Variants in PCDH15 observed in about 807,000 individuals in gnomAD.
PCDH15 encodes the protein protocadherin-15.
PCDH15 carries 129 observed loss-of-function variants against 178.5 expected under a neutral mutation model. That is an observed-to-expected ratio of 0.72 (90% CI 0.63 to 0.84). The LOEUF is 0.84. PCDH15 is among the 40% of genes least tolerant of loss of function. The pLI, the probability that PCDH15 is intolerant of heterozygous loss-of-function variation, is 0.00. For synonymous variants in PCDH15, 800 were observed against 732.0 expected (o/e 1.09, Z -1.50); for missense variants, 2,230 against 2,099.9 (o/e 1.06, Z -1.21).
intron 2 of PCDH15, among the ~76,000 whole-genome samples, chr10:55,014,673 A>G (rs1010820031): frequency 4.6e-5 from 7 of 152,216 alleles, no homozygotes; most frequent in Non-Finnish European, 1.0e-4. Flanking sequence ...ATTGAATAAC[A>G]AAGAAATCAG....
At chr10:55,167,178 A>G (rs1221954690) in intron 1 of PCDH15, among the ~76,000 whole-genome samples, 1 of 152,140 alleles carries the variant, frequency 6.6e-6, no homozygotes, top group African/African-American at 2.4e-5. Flanking sequence ...CAGTGGCACA[A>G]TCACAGCTCA....
chr10:54,101,132 C>T (rs1203032356), intron 15 of PCDH15, among the ~76,000 whole-genome samples: 1 of 152,114 alleles, frequency 6.6e-6, no homozygotes, highest in South Asian at 2.1e-4. Flanking sequence ...GCAAATAAGT[C>T]TCATGAAATC....
intron 2 of PCDH15, among the ~76,000 whole-genome samples, chr10:55,137,773 G>T (rs773473534): frequency 6.6e-6 from 1 of 152,090 alleles, no homozygotes; most frequent in Non-Finnish European, 1.5e-5. Flanking sequence ...GCTTACAGAA[G>T]AGTGAACAGG....
chr10:55,519,778 C>T (rs1285401391), intron 2 of PCDH15, among the ~76,000 whole-genome samples: 3 of 150,978 alleles, frequency 2.0e-5, no homozygotes, highest in Non-Finnish European at 4.4e-5. Flanking sequence ...ACATTAAAAG[C>T]ATTGTTTCTC....
At chr10:55,622,621 A>C (rs973308073) in intron 2 of PCDH15, among the ~76,000 whole-genome samples, 3 of 152,178 alleles carry the variant, frequency 2.0e-5, no homozygotes, top group Non-Finnish European at 2.9e-5. Flanking sequence ...TGGCTGATCA[A>C]CCATAAGAAT....
At chr10:53,895,239 C>T (rs1295760357) in intron 26 of PCDH15, among the ~76,000 whole-genome samples, 1 of 152,070 alleles carries the variant, frequency 6.6e-6, no homozygotes, top group Admixed American at 6.6e-5. Context: ...ATACCTTTTG[C>T]TACTAAGGAA....
At chr10:55,230,217 T>C (rs1448445144) in intron 1 of PCDH15, among the ~76,000 whole-genome samples, 1 of 152,072 alleles carries the variant, frequency 6.6e-6, no homozygotes, top group East Asian at 1.9e-4. Flanking sequence ...TTATTTGGAA[T>C]AGAGTTATTA....
At chr10:54,782,990 C>T (rs1406164287) in intron 1 of PCDH15, among the ~76,000 whole-genome samples, 1 of 152,002 alleles carries the variant, frequency 6.6e-6, no homozygotes, top group Non-Finnish European at 1.5e-5. Context: ...AAGTCTTTTC[C>T]TATAAAAGCT....
intron 3 of PCDH15, among the ~76,000 whole-genome samples, chr10:54,427,909 G>C (rs542981285): frequency 6.6e-6 from 1 of 152,114 alleles, no homozygotes; most frequent in Non-Finnish European, 1.5e-5. Context: ...AGTATGAGTA[G>C]CTACAATTCC....
chr10:55,451,711 C>G (rs1045254626), intron 2 of PCDH15, among the ~76,000 whole-genome samples: 2 of 152,100 alleles, frequency 1.3e-5, no homozygotes, highest in Admixed American at 6.5e-5. Context: ...ATGATTTTCA[C>G]GGAGAAAACC....
chr10:53,961,934 T>C (rs775284993), intron 21 of PCDH15, 42 bp from the exon 22 acceptor site: 1 of 1,465,080 alleles, frequency 6.8e-7, no homozygotes, highest in East Asian at 2.3e-5. Flanking sequence ...GTTACCAAGT[T>C]AAAACACAGT....
chr10:54,984,739 G>A (rs550529397), intron 2 of PCDH15, among the ~76,000 whole-genome samples: 57 of 152,220 alleles, frequency 3.7e-4, no homozygotes, highest in Non-Finnish European at 7.1e-4. Context: ...TCAAGAGGCC[G>A]AGGCAGAAGG....
intron 16 of PCDH15, among the ~76,000 whole-genome samples, chr10:54,085,505 T>A (rs1261431393): frequency 6.6e-6 from 1 of 152,148 alleles, no homozygotes. Flanking sequence ...TTTAAATGTG[T>A]ACTTATTTGT....
intron 2 of PCDH15, among the ~76,000 whole-genome samples, chr10:55,592,471 C>G (rs1012862813): frequency 1.3e-5 from 2 of 152,174 alleles, no homozygotes; most frequent in Admixed American, 6.6e-5. Flanking sequence ...GCTTCTCTGT[C>G]TATGGATTTT....
intron 2 of PCDH15, among the ~76,000 whole-genome samples, chr10:55,425,757 T>C (rs1037755492): frequency 5.3e-5 from 8 of 152,194 alleles, no homozygotes; most frequent in Non-Finnish European, 1.2e-4. Context: ...AGGATCTGAT[T>C]GAATGTTTGT....
chr10:54,251,557 T>A (rs1012062758), intron 8 of PCDH15, among the ~76,000 whole-genome samples: 4 of 152,236 alleles, frequency 2.6e-5, no homozygotes, highest in African/African-American at 9.6e-5. Flanking sequence ...GAGTGCTTTT[T>A]TTAACCAGGC....
intron 1 of PCDH15, among the ~76,000 whole-genome samples, chr10:55,215,182 A>G (rs2132175651): frequency 6.6e-6 from 1 of 152,240 alleles, no homozygotes; most frequent in Non-Finnish European, 1.5e-5. Flanking sequence ...ACAACAATGA[A>G]TCCATTATAC....
chr10:54,366,927 G>A (rs1245878297), intron 5 of PCDH15, among the ~76,000 whole-genome samples: 1 of 151,938 alleles, frequency 6.6e-6, no homozygotes, highest in Non-Finnish European at 1.5e-5. Context: ...CAGTAATATA[G>A]CTTCTCAAAA....
At chr10:53,825,063 A>C in intron 32 of PCDH15, 2 of 1,447,296 alleles carry the variant, frequency 1.4e-6, no homozygotes, top group South Asian at 3.0e-5. Flanking sequence ...TTTACAGTAC[A>C]ACAGCATTTT....
Sources: allele counts gnomAD v4.1 joint callset (sites outside exome capture counted in the v4.1 genomes callset), GRCh38; gene constraint gnomAD v4.1.1; transcripts MANE v1.5; gene names NCBI Gene and HGNC (gene_info 2026-07-23, HGNC 2026-07-21).